The following CGNL1 variants were observed in gnomAD, a reference collection of about 807,000 sequenced individuals.
The protein encoded by CGNL1 is cingulin like 1.
Under a neutral mutation model 141.2 loss-of-function variants are expected in CGNL1, and 132 were observed. The observed-to-expected ratio is 0.93, with a 90% CI of 0.81 to 1.08. The LOEUF (loss-of-function observed/expected upper bound fraction) is 1.08, where lower values mean the gene tolerates loss of function less well. Among genes scored for constraint, CGNL1 ranks in the 50% least tolerant of loss-of-function variants. CGNL1 has a pLI of 0.00. For missense variants in CGNL1, 1,870 were observed against 1,588.6 expected, an observed-to-expected ratio of 1.18 and a Z score of -3.01; for synonymous variants, 690 against 622.1, an observed-to-expected ratio of 1.11 and a Z score of -1.63.
At chr15:57,520,044 C>T (rs1348944360) in intron 10 of CGNL1, among the ~76,000 whole-genome samples, 2 of 152,166 alleles carry the variant, frequency 1.3e-5, no homozygotes, top group South Asian at 2.1e-4. Context: ...GGAAATTATC[C>T]CTGACATGTT....
chr15:57,461,281 A>C (rs2063442452), intron 7 of CGNL1, among the ~76,000 whole-genome samples: 1 of 152,178 alleles, frequency 6.6e-6, no homozygotes, highest in South Asian at 2.1e-4. Context: ...GTCCCAGGGG[A>C]TATGAAGCAA....
Position 57,516,786 on chromosome 15 carries a change from G to C in CGNL1, c.2410G>C (p.Glu804Gln), listed in dbSNP as rs781208793. Reference sequence around the variant, plus strand: ...TGCTTTGTGTTTTTAACAGAATGTCGAGGTCTTGGCGAGCAGGAGCAACAC... The same window carrying C: ...TGCTTTGTGTTTTTAACAGAATGTCCAGGTCTTGGCGAGCAGGAGCAACAC... ...ESVEEATKNV[E>Q]VLASRSNTSE... Residue 804 changes from glutamate to glutamine, a missense_variant, in exon 9 of 19, where the codon GAG (glutamate) becomes CAG (glutamine). Transcript: ENST00000281282. 3 of 1,613,990 alleles carry C rather than the reference G, an allele frequency of 1.9e-6. No individual in the cohort carries two copies. Among genetic ancestry groups the C allele is most frequent in the South Asian group, 2.2e-5 (2 of 91,036 alleles).
chr15:57,458,690 G>T (rs1357054644), intron 7 of CGNL1, among the ~76,000 whole-genome samples: 3 of 152,170 alleles, frequency 2.0e-5, no homozygotes, highest in Non-Finnish European at 2.9e-5. Context: ...GGAAGCCCTG[G>T]GGGGTAGCCG....
At chr15:57,498,483 G>T (rs546177462) in intron 8 of CGNL1, among the ~76,000 whole-genome samples, 212 of 152,180 alleles carry the variant, frequency 1.4e-3, no homozygotes, top group African/African-American at 4.9e-3. Context: ...GGGATTACAG[G>T]TATGAGCCCC....
chr15:57,413,994 A>G (rs1198546741), intron 1 of CGNL1, among the ~76,000 whole-genome samples: 6 of 152,226 alleles, frequency 3.9e-5, no homozygotes, highest in Admixed American at 3.9e-4. Context: ...TAATATTCTA[A>G]CAGAAATGAA....
At chr15:57,495,398 G>T (rs1159598430) in intron 8 of CGNL1, among the ~76,000 whole-genome samples, 1 of 152,094 alleles carries the variant, frequency 6.6e-6, no homozygotes, top group African/African-American at 2.4e-5. Flanking sequence ...CTGTCTTGTG[G>T]GAAGGCCTCC....
intron 4 of CGNL1, among the ~76,000 whole-genome samples, chr15:57,443,298 A>G (rs929130462): frequency 2.0e-5 from 3 of 152,186 alleles, no homozygotes; most frequent in Non-Finnish European, 4.4e-5. Flanking sequence ...CAACTACTCT[A>G]TGTCAGACAC....
At chr15:57,385,733 C>T (rs2062475298) in intron 1 of CGNL1, among the ~76,000 whole-genome samples, 2 of 152,232 alleles carry the variant, frequency 1.3e-5, no homozygotes, top group Non-Finnish European at 2.9e-5. Context: ...ACAGGGTCCC[C>T]CCAACCTCCC....
chr15:57,409,891 T>G (rs1418395941), intron 1 of CGNL1, among the ~76,000 whole-genome samples: 2 of 152,200 alleles, frequency 1.3e-5, no homozygotes, highest in Non-Finnish European at 2.9e-5. Context: ...GGGAAGGGAA[T>G]GAAGAACAGG....
At chr15:57,542,632 A>G (rs1185972934) in intron 14 of CGNL1, among the ~76,000 whole-genome samples, 3 of 151,828 alleles carry the variant, frequency 2.0e-5, no homozygotes, top group African/African-American at 7.3e-5. Flanking sequence ...GGCATAAAAA[A>G]GGAGAAATCT....
rs111457136 is a variant in CGNL1 at position 57,405,552 on chromosome 15, A to C, written c.-16+28985A>C. Among the ~76,000 whole-genome samples the C allele has an allele frequency of 3.8e-4, 57 of 151,904 alleles. 1 individual carries two copies. Among genetic ancestry groups the C allele is most frequent in the African/African-American group, 1.3e-3 (53 of 41,406 alleles). ...CATTTGCAATCTCCAGCTCTTTCCT[A>C]CCTTTCAAGGGTGTGTGGTAAGCTT... On this transcript the variant is annotated intron_variant, in intron 1 of 18. Transcript: ENST00000281282.
chr15:57,397,203 T>G (rs1194423646), intron 1 of CGNL1: 1 of 152,116 alleles, frequency 6.6e-6, no homozygotes, highest in African/African-American at 2.4e-5. Context: ...AGTGAACAGG[T>G]GATGGTAGGC....
intron 1 of CGNL1, among the ~76,000 whole-genome samples, chr15:57,428,421 G>T (rs1158967530): frequency 6.6e-6 from 1 of 152,224 alleles, no homozygotes; most frequent in Non-Finnish European, 1.5e-5. Context: ...GTGCTGTGAG[G>T]ATCTCATCAG....
intron 8 of CGNL1, among the ~76,000 whole-genome samples, chr15:57,475,131 C>A (rs1313342195): frequency 1.3e-5 from 2 of 152,146 alleles, no homozygotes; most frequent in Non-Finnish European, 2.9e-5. Context: ...AACTGTGTTG[C>A]CCCCTTCTGA....
chr15:57,427,363 C>A (rs912774006), intron 1 of CGNL1, among the ~76,000 whole-genome samples: 1 of 152,140 alleles, frequency 6.6e-6, no homozygotes, highest in Admixed American at 6.5e-5. Context: ...TTTCTGTGGA[C>A]AAATACAGGT....
chr15:57,379,181 T>G (rs1171816002), intron 1 of CGNL1, among the ~76,000 whole-genome samples: 1 of 152,204 alleles, frequency 6.6e-6, no homozygotes, highest in Non-Finnish European at 1.5e-5. Context: ...GTTGAATTCA[T>G]GGTGTCTGAA....
In CGNL1 at chr15:57,453,666, G is replaced by T. The variant is rs1408866738; in HGVS notation, c.2055-17G>T. ...GAGCCCAGAAGAGCCTGTCTAATGG[G>T]CTTCCTTCCCTGCCAGGCTATTCCA... is the stretch of plus-strand genomic sequence containing the variant. On this transcript the variant is annotated splice_polypyrimidine_tract_variant and intron_variant, in intron 6 of 18. Coordinates refer to ENST00000281282, the MANE Select transcript of CGNL1 (RefSeq NM_032866.5). 2 of 1,613,094 alleles carry T rather than the reference G, an allele frequency of 1.2e-6. No individual in the cohort carries two copies. The highest frequency in any genetic ancestry group is 2.2e-5 in the East Asian group (1 of 44,832).
chr15:57,459,292 A>G (rs920786930), intron 7 of CGNL1, among the ~76,000 whole-genome samples: 24 of 152,366 alleles, frequency 1.6e-4, no homozygotes, highest in Admixed American at 7.8e-4. Flanking sequence ...ATATTAATCT[A>G]TGCATCAAAA....
At chr15:57,491,769 A>C (rs985635047) in intron 8 of CGNL1, among the ~76,000 whole-genome samples, 5 of 152,250 alleles carry the variant, frequency 3.3e-5, no homozygotes, top group African/African-American at 1.2e-4. Context: ...AGAGAACAGC[A>C]TAAGTTTTGC....
Sources: allele counts gnomAD v4.1 joint callset (sites outside exome capture counted in the v4.1 genomes callset), GRCh38; gene constraint gnomAD v4.1.1; transcripts MANE v1.5; gene names NCBI Gene and HGNC (gene_info 2026-07-23, HGNC 2026-07-21).